The following PSTPIP1 variants were observed in gnomAD, a reference collection of about 807,000 sequenced individuals.
PSTPIP1 encodes proline-serine-threonine phosphatase interacting protein 1.
A neutral mutation model predicts 69.6 loss-of-function variants in PSTPIP1; 66 were observed. The observed-to-expected ratio is 0.95, with a 90% confidence interval of 0.78 to 1.16. The LOEUF is 1.16. Ranked by LOEUF, PSTPIP1 falls within the 50% of genes most tolerant of loss-of-function variation. The pLI is 0.00. For missense variants in PSTPIP1, 603 were observed against 557.4 expected, an observed-to-expected ratio of 1.08 and a Z score of -0.82; for synonymous variants, 266 against 222.7, an observed-to-expected ratio of 1.19 and a Z score of -1.73.
chr15:77,015,035 C>T (rs1416396886), intron 1 of PSTPIP1, among the ~76,000 whole-genome samples: 7 of 152,180 alleles, frequency 4.6e-5, no homozygotes, highest in Admixed American at 3.3e-4. Flanking sequence ...ATGGCTGGGC[C>T]GTGACCACTG....
intron 11 of PSTPIP1, 82 bp from the exon 12 acceptor site, chr15:77,032,780 A>T: frequency 8.0e-7 from 1 of 1,248,234 alleles, no homozygotes; most frequent in African/African-American, 1.5e-5. Context: ...CCAGATTGGG[A>T]ATGTAGGGCC....
chr15:77,000,335 G>T (rs1407641298), intron 1 of PSTPIP1, among the ~76,000 whole-genome samples: 1 of 151,990 alleles, frequency 6.6e-6, no homozygotes, highest in African/African-American at 2.4e-5. Context: ...GGGACTGAGG[G>T]GCCCTACTCT....
intron 3 of PSTPIP1, among the ~76,000 whole-genome samples, chr15:77,021,842 G>T (rs533790009): frequency 5.9e-5 from 9 of 152,130 alleles, no homozygotes; most frequent in Non-Finnish European, 1.0e-4. Context: ...ATCCCTCAAG[G>T]CCTGCCTGAA....
intron 3 of PSTPIP1, among the ~76,000 whole-genome samples, chr15:77,020,891 G>A (rs2076147418): frequency 6.7e-6 from 1 of 149,344 alleles, no homozygotes; most frequent in African/African-American, 2.5e-5. Flanking sequence ...TGTGTGTGTT[G>A]GCCCTCAGGA....
chr15:77,034,945 G>A (rs1235821694), intron 12 of PSTPIP1, among the ~76,000 whole-genome samples: 1 of 152,274 alleles, frequency 6.6e-6, no homozygotes, highest in Non-Finnish European at 1.5e-5. Flanking sequence ...CGGAACTCCT[G>A]TGAACAGGGT....
At chr15:77,033,002 GGTC>G (rs752909805) in intron 12 of PSTPIP1, 50 bp downstream of exon 12, 9 of 1,533,428 alleles carry the variant, frequency 5.9e-6, no homozygotes, top group African/African-American at 2.7e-5. Flanking sequence ...CCAGGAAGTG[GGTC>G]GAGCCCCTCC....
At chr15:77,013,098 C>T (rs191126700) in intron 1 of PSTPIP1, among the ~76,000 whole-genome samples, 10 of 152,340 alleles carry the variant, frequency 6.6e-5, no homozygotes, top group Admixed American at 5.9e-4. Flanking sequence ...ACACTGGCTG[C>T]AGATGTCACT....
intron 9 of PSTPIP1, among the ~76,000 whole-genome samples, chr15:77,030,967 G>A (rs2076400619): frequency 6.6e-6 from 1 of 152,216 alleles, no homozygotes; most frequent in Admixed American, 6.5e-5. Flanking sequence ...GGAGGCTGGG[G>A]CAGGGACCCC....
At chr15:77,018,419 A>T in intron 2 of PSTPIP1, 38 bp from the exon 3 acceptor site, 1 of 1,555,474 alleles carries the variant, frequency 6.4e-7, no homozygotes, top group Non-Finnish European at 8.7e-7. Context: ...AGAGGTGGCA[A>T]GTCACTGATG....
rs981849479 is a variant in PSTPIP1, at chr15:77,008,455, G to A, written c.37-9693G>A. Among the ~76,000 whole-genome samples the A allele has an allele frequency of 2.0e-5, 3 of 152,144 alleles. No homozygotes were observed. The East Asian group carries it at 5.8e-4, about 29-fold the overall frequency. ...GACAGAGTCCCACTCTGTTGACCAGGCTGGAGTGCAGTGGCACCGTGTCGG... is the reference window on the plus strand; with the variant it reads ...GACAGAGTCCCACTCTGTTGACCAGACTGGAGTGCAGTGGCACCGTGTCGG... On this transcript the variant is annotated intron_variant, in intron 1 of 14. Transcript: ENST00000558012.
At chr15:76,994,953 G>A, upstream of PSTPIP1, 5 of 1,230,766 alleles carry the variant, frequency 4.1e-6, no homozygotes, top group Non-Finnish European at 5.3e-6. Flanking sequence ...CTGTCAGTGG[G>A]CCTCAAGCTC....
At chr15:77,002,068 T>C (rs1250616815) in intron 1 of PSTPIP1, among the ~76,000 whole-genome samples, 1 of 152,282 alleles carries the variant, frequency 6.6e-6, no homozygotes, top group South Asian at 2.1e-4. Context: ...CATCATCCCC[T>C]GAGGAGCAGC....
chr15:77,017,501 C>A (rs2076074297), intron 1 of PSTPIP1, among the ~76,000 whole-genome samples: 1 of 152,208 alleles, frequency 6.6e-6, no homozygotes, highest in Non-Finnish European at 1.5e-5. Flanking sequence ...TGAAGTCACC[C>A]TCCATGCCCA....
intron 3 of PSTPIP1, among the ~76,000 whole-genome samples, chr15:77,019,538 G>A (rs546729048): frequency 5.9e-5 from 9 of 152,368 alleles, no homozygotes; most frequent in South Asian, 2.1e-4. Flanking sequence ...GGCATGAGCC[G>A]TGTGTGAGGC....
At chr15:77,016,620 G>C (rs1224506841) in intron 1 of PSTPIP1, among the ~76,000 whole-genome samples, 1 of 152,088 alleles carries the variant, frequency 6.6e-6, no homozygotes, top group African/African-American at 2.4e-5. Flanking sequence ...TGCTTATGGA[G>C]GGGGTAGGAG....
At chr15:76,994,876 GC>G, upstream of PSTPIP1, 1 of 1,288,700 alleles carries the variant, frequency 7.8e-7, no homozygotes, top group East Asian at 5.5e-5. Context: ...TCTGGGCCCA[GC>G]CTGGAAGGGT....
intron 1 of PSTPIP1, among the ~76,000 whole-genome samples, chr15:76,998,416 C>A (rs2075627012): frequency 6.6e-6 from 1 of 152,188 alleles, no homozygotes; most frequent in Non-Finnish European, 1.5e-5. Flanking sequence ...AAGATGATTT[C>A]CCTAAGAGCT....
chr15:77,019,123 C>G lies in PSTPIP1; in HGVS notation c.212+592C>G, dbSNP rs570383972. On this transcript the variant is annotated intron_variant, in intron 3 of 14. Coordinates refer to ENST00000558012, the MANE Select transcript of PSTPIP1 (RefSeq NM_003978.5). ...AGGGCAGGCCGTCAGGGAAGTGGCT[C>G]TGATGAAGCGGGAGTCTCCAGCCCC... Among the ~76,000 whole-genome samples the G allele has an allele frequency of 2.0e-5, 3 of 152,332 alleles. No individual in the cohort carries two copies. In the South Asian group the frequency reaches 6.2e-4, roughly 32 times the overall value.
intron 1 of PSTPIP1, among the ~76,000 whole-genome samples, chr15:77,016,397 G>C (rs2076053451): frequency 6.6e-6 from 1 of 152,014 alleles, no homozygotes; most frequent in Non-Finnish European, 1.5e-5. Flanking sequence ...GGGGTGGGAA[G>C]GGGAGGGCTG....
Sources: gnomAD v4.1 joint callset for allele counts (sites outside exome capture counted in the v4.1 genomes callset) on GRCh38, gnomAD v4.1.1 for gene constraint, MANE v1.5 for transcripts, NCBI Gene and HGNC (gene_info 2026-07-23, HGNC 2026-07-21) for gene names.